MSH6: variants seen among roughly 807,000 people sequenced by gnomAD.
The protein encoded by MSH6 is DNA mismatch repair protein Msh6.
MSH6 carries 85 observed loss-of-function variants against 119.1 expected under a neutral mutation model. That is an observed-to-expected ratio of 0.71 (90% CI 0.60 to 0.85). The LOEUF (loss-of-function observed/expected upper bound fraction) is 0.85. Ranked by LOEUF, MSH6 falls within the 40% of genes least tolerant of loss-of-function variation. The pLI, the probability that MSH6 is intolerant of heterozygous loss-of-function variation, is 0.00. For missense variants in MSH6, 2,163 were observed against 1,655.3 expected, an observed-to-expected ratio of 1.31 and a Z score of -5.32; for synonymous variants, 830 against 586.9, an observed-to-expected ratio of 1.41 and a Z score of -5.99.
At chr2:47,792,538 C>G (rs1204101102) in intron 2 of MSH6, among the ~76,000 whole-genome samples, 1 of 152,096 alleles carries the variant, frequency 6.6e-6, no homozygotes, top group Admixed American at 6.5e-5. Flanking sequence ...GAAATAGAGA[C>G]ACAGTTTTGC....
intron 2 of MSH6, among the ~76,000 whole-genome samples, chr2:47,793,467 A>G (rs1350917037): frequency 1.3e-5 from 2 of 151,386 alleles, no homozygotes; most frequent in Non-Finnish European, 3.0e-5. Flanking sequence ...GTCTCTACTA[A>G]AAATACAAAA....
In MSH6 at chr2:47,783,170, C is replaced by T; in HGVS notation, c.-64C>T. 5 of 1,595,540 alleles carry T rather than the reference C, an allele frequency of 3.1e-6. No individual in the cohort carries two copies. The highest frequency in any genetic ancestry group is 1.1e-5 in the South Asian group (1 of 89,144). On this transcript the variant is annotated 5_prime_UTR_variant, in exon 1 of 10. Coordinates refer to ENST00000234420, the MANE Select transcript of MSH6 (RefSeq NM_000179.3). ...AGATTTCCCGCCAGCAGGAGCCGCGCGGTAGATGCGGTGCTTTTAGGAGCT... is the reference window on the plus strand; with the variant it reads ...AGATTTCCCGCCAGCAGGAGCCGCGTGGTAGATGCGGTGCTTTTAGGAGCT...
chr2:47,783,400 G>T lies in MSH6; in HGVS notation c.167G>T (p.Gly56Val), dbSNP rs1572698275. The T allele has an allele frequency of 1.9e-6, 3 of 1,554,774 alleles. No homozygotes were observed. Among genetic ancestry groups the T allele is most frequent in the Non-Finnish European group, 2.6e-6 (3 of 1,152,180 alleles). ...GCGGCCTGGAGCGAGGCTGGGCCTG[G>T]GCCCAGGCCCTTGGCGCGCTCCGCG... ...GDAAWSEAGP[G>V]PRPLARSASP... The change falls in exon 1 of 10, where the codon GGG becomes GTG. Residue 56 changes from glycine to valine, a missense_variant. Gly to Val is a moderately radical substitution (Grantham distance 109). Coordinates refer to ENST00000234420, the MANE Select transcript of MSH6 (RefSeq NM_000179.3).
downstream of MSH6, chr2:47,809,421 G>A (rs1022238477): frequency 1.9e-5 from 13 of 687,702 alleles, no homozygotes; most frequent in Non-Finnish European, 3.1e-5. Context: ...GCTAAGAATA[G>A]AATTTTCCTT....
At chr2:47,791,308 G>T (rs1668719123) in intron 2 of MSH6, among the ~76,000 whole-genome samples, 185 bp downstream of exon 2, 1 of 152,126 alleles carries the variant, frequency 6.6e-6, no homozygotes. Context: ...GTCTTTAGCT[G>T]GTTTGTTTTG....
At chr2:47,798,538 T>C in intron 3 of MSH6, 73 bp from the exon 4 acceptor site, 2 of 1,526,460 alleles carry the variant, frequency 1.3e-6, no homozygotes, top group Non-Finnish European at 1.8e-6. Context: ...CAAAAAATCA[T>C]AAGTTGAACT....
intron 1 of MSH6, chr2:47,784,256 G>A: frequency 1.0e-6 from 1 of 995,522 alleles, no homozygotes; most frequent in Non-Finnish European, 1.2e-6. Context: ...GGCTGCACGT[G>A]CACCGAGACG....
downstream of MSH6, chr2:47,808,903 C>T (rs751168845): frequency 8.7e-6 from 3 of 344,902 alleles, no homozygotes; most frequent in Non-Finnish European, 1.6e-5. Context: ...CCCTATGTTG[C>T]CCAGGCTGGT....
rs1482767334 is a variant in MSH6 at position 47,799,080 on chromosome 2, A to G, written c.1097A>G (p.Tyr366Cys). 1.9e-6 allele frequency: 3 copies of G among 1,614,040 alleles called. No individual in the cohort carries two copies. The highest frequency in any genetic ancestry group is 1.3e-5 in the African/African-American group (1 of 74,936). Reference sequence around the variant, plus strand: ...GACAGTAGTCGCCCTACTGTTTGGTATCATGAAACTTTAGAATGGCTTAAG... The same window carrying G: ...GACAGTAGTCGCCCTACTGTTTGGTGTCATGAAACTTTAGAATGGCTTAAG... Reference protein sequence around the residue: ...GDDSSRPTVWYHETLEWLKEE... With the variant: ...GDDSSRPTVWCHETLEWLKEE... The change falls in exon 4 of 10, where the codon TAT becomes TGT. Residue 366 changes from tyrosine (Y) to cysteine (C), a missense_variant. By Grantham distance (194) the Tyr-to-Cys change is radical. Transcript: ENST00000234420.
intron 7 of MSH6, 120 bp downstream of exon 7, chr2:47,805,827 C>T (rs1471891638): frequency 6.0e-6 from 5 of 835,752 alleles, no homozygotes; most frequent in Non-Finnish European, 8.1e-6. Flanking sequence ...TTAGAGCACG[C>T]ACTCACCATT....
At position 47,801,361 on chromosome 2, in the gene MSH6, GTTTTTTT is replaced by G. The variant is rs10666222; in HGVS notation, c.3172+225_3172+231del. The G allele has an allele frequency of 1.0e-3, 93 of 90,006 alleles. 1 individual carries two copies. Among genetic ancestry groups the G allele is most frequent in the African/African-American group, 2.9e-3 (48 of 16,708 alleles). 5.6% of individuals were successfully genotyped at this position (90,006 alleles called of 1,614,324 possible). A position where few individuals can be genotyped will look rare whatever the true frequency, so the allele number is the denominator to read the frequency against. On this transcript the variant is annotated intron_variant, in intron 4 of 9. Transcript: ENST00000234420. The stretch of plus-strand genomic sequence containing the variant: ...TTAGTAGCCCTTTGGCCTTTCTTCA[GTTTTTTT>G]TTTTTTTTTTTTTTTTTTGAGACAT...
chr2:47,803,558 T>C lies in MSH6; in HGVS notation c.3311T>C (p.Phe1104Ser), dbSNP rs1553331534. 2 of 1,614,130 alleles carry C rather than the reference T, an allele frequency of 1.2e-6. No individual in the cohort carries two copies. Among genetic ancestry groups the C allele is most frequent in the Non-Finnish European group, 1.7e-6 (2 of 1,180,032 alleles). Reference sequence around the variant, plus strand: ...CATCCTTGCATTACGAAGACTTTTTTTGGAGATGATTTTATTCCTAATGAC... The same window carrying C: ...CATCCTTGCATTACGAAGACTTTTTCTGGAGATGATTTTATTCCTAATGAC... Reference protein sequence around the residue: ...SRHPCITKTFFGDDFIPNDIL... With the variant: ...SRHPCITKTFSGDDFIPNDIL... Residue 1104 changes from phenylalanine to serine, a missense_variant, in exon 5 of 10, where the codon TTT (phenylalanine) becomes TCT (serine). Transcript: ENST00000234420.
At chr2:47,809,353 G>C (rs1670455159), downstream of MSH6, 2 of 863,894 alleles carry the variant, frequency 2.3e-6, no homozygotes, top group African/African-American at 3.5e-5. Flanking sequence ...TAACAGAAGA[G>C]CCACTATTTT....
Position 47,803,586 on chromosome 2 carries a change from T to C in MSH6, c.3339T>C (p.Ile1113=), listed in dbSNP as rs786202044. The C allele has an allele frequency of 6.2e-7, 1 of 1,614,182 alleles. No individual in the cohort carries two copies. The highest frequency in any genetic ancestry group is 8.5e-7 in the Non-Finnish European group (1 of 1,180,032). Residue 1113 remains isoleucine (I), a synonymous_variant, in exon 5 of 10, where the codon ATT becomes ATC. Transcript: ENST00000234420. ...GAGATGATTTTATTCCTAATGACAT[T>C]CTAATAGGCTGTGAGGAAGAGGAGC... The part of the protein sequence containing the change: ...FFGDDFIPND[I]LIGCEEEEQE...
intron 7 of MSH6, 37 bp downstream of exon 7, chr2:47,805,744 C>T (rs749808872): frequency 1.5e-6 from 2 of 1,298,684 alleles, no homozygotes; most frequent in South Asian, 2.4e-5. Flanking sequence ...GACTATCTAT[C>T]TTAAAAACAT....
chr2:47,790,777 G>A (rs1668674691), intron 1 of MSH6, 150 bp from the exon 2 acceptor site: 7 of 710,408 alleles, frequency 9.9e-6, no homozygotes, highest in Non-Finnish European at 1.5e-5. Context: ...TTTTTTAAAT[G>A]ACTTGAATAT....
Position 47,790,969 on chromosome 2 carries a change from G to A in MSH6, c.303G>A (p.Glu101=), listed in dbSNP as rs1057521533. ...GAGATTTGGTTTGGGCCAAGATGGA[G>A]GGTTACCCCTGGTGGCCTTGTCTGG... ...SPGDLVWAKM[E]GYPWWPCLVY... is the part of the protein sequence containing the mutation. Residue 101 remains glutamate, a synonymous_variant, in exon 2 of 10, where the codon GAG becomes GAA. Coordinates refer to ENST00000234420, the MANE Select transcript of MSH6 (RefSeq NM_000179.3). The A allele has an allele frequency of 1.9e-6, 3 of 1,614,236 alleles. No individual in the cohort carries two copies. The highest frequency in any genetic ancestry group is 1.7e-5 in the Admixed American group (1 of 60,024).
In MSH6 at chr2:47,783,769, G is replaced by A. The variant is rs374315703; in HGVS notation, c.260+276G>A. 25 of 475,892 alleles carry A rather than the reference G, an allele frequency of 5.3e-5. No homozygotes were observed. The East Asian group carries it at 8.8e-4, about 17-fold the overall frequency. 29.5% of individuals were successfully genotyped at this position (475,892 alleles called of 1,614,324 possible). On this transcript the variant is annotated intron_variant, in intron 1 of 9. Transcript: ENST00000234420. ...CGGGCCTTTTGGAGGGAGGAGACGC[G>A]TCCCGCCAGGTGGGGGTGCTGGGCT... is the stretch of plus-strand genomic sequence containing the variant.
Position 47,800,235 on chromosome 2 carries a change from A to T in MSH6, c.2252A>T (p.Asn751Ile), listed in dbSNP as rs1553413626. ...TTGGAGATTTTTCTGAATGGAACAA[A>T]TGGTTCTACTGAAGGAACCCTACTA... ...NNLEIFLNGT[N>I]GSTEGTLLER... Residue 751 changes from asparagine (N) to isoleucine (I), a missense_variant, in exon 4 of 10, where the codon AAT (asparagine) becomes ATT (isoleucine). Transcript: ENST00000234420. The T allele has an allele frequency of 6.2e-7, 1 of 1,614,202 alleles. No homozygotes were observed. The highest frequency in any genetic ancestry group is 8.5e-7 in the Non-Finnish European group (1 of 1,180,020).
Sources: gnomAD v4.1 joint callset for allele counts (sites outside exome capture counted in the v4.1 genomes callset) on GRCh38, gnomAD v4.1.1 for gene constraint, MANE v1.5 for transcripts, NCBI Gene and HGNC (gene_info 2026-07-23, HGNC 2026-07-21) for gene names.